SLC9C1: variants seen among roughly 807,000 people sequenced by gnomAD.
SLC9C1 encodes sodium/hydrogen exchanger 10.
A neutral mutation model predicts 140.9 loss-of-function variants in SLC9C1; 97 were observed. The observed-to-expected ratio is 0.69, with a 90% confidence interval of 0.58 to 0.82. SLC9C1 has a LOEUF of 0.82. Ranked by LOEUF, SLC9C1 falls within the 40% of genes least tolerant of loss-of-function variation. SLC9C1 has a pLI of 0.00. For synonymous variants in SLC9C1, 440 were observed against 442.6 expected (o/e 0.99, Z 0.07); for missense variants, 1,340 against 1,389.3 (o/e 0.96, Z 0.56).
chr3:112,167,434 T>C, intron 25 of SLC9C1, 87 bp from the exon 26 acceptor site: 1 of 1,345,004 alleles, frequency 7.4e-7, no homozygotes. Context: ...TCTGGCTTTC[T>C]CTAGGTATCT....
At chr3:112,160,416 C>T (rs1436512433) in intron 26 of SLC9C1, among the ~76,000 whole-genome samples, 2 of 125,118 alleles carry the variant, frequency 1.6e-5, no homozygotes, top group African/African-American at 2.9e-5. Context: ...GCTATCCCTT[C>T]CCCCTCCCCC....
chr3:112,286,200 G>T (rs1186509281), intron 2 of SLC9C1, among the ~76,000 whole-genome samples: 1 of 152,036 alleles, frequency 6.6e-6, no homozygotes, highest in East Asian at 1.9e-4. Context: ...GTGTATTATT[G>T]TTTTAAAAGT....
intron 24 of SLC9C1, 63 bp from the exon 25 acceptor site, chr3:112,169,125 A>T: frequency 6.3e-7 from 1 of 1,576,238 alleles, no homozygotes; most frequent in Non-Finnish European, 8.6e-7. Flanking sequence ...ATATTCATAA[A>T]TAGTCAATTA....
chr3:112,217,660 A>G, intron 14 of SLC9C1, 99 bp from the exon 15 acceptor site: 1 of 1,085,226 alleles, frequency 9.2e-7, no homozygotes, highest in Admixed American at 3.1e-5. Context: ...TTAATTTTGC[A>G]CAAAACAGGA....
chr3:112,270,067 G>A lies in SLC9C1; in HGVS notation c.624C>T (p.Ile208=), dbSNP rs777832839. Residue 208 remains isoleucine, a synonymous_variant, in exon 7 of 29, where the codon ATC becomes ATT. Coordinates refer to ENST00000305815, the MANE Select transcript of SLC9C1 (RefSeq NM_183061.3). ...TAATATATGAACAAATTCCACCCAC[G>A]ATCTCTTCAGCTACAAGAAAGGGGC... is the stretch of plus-strand genomic sequence containing the variant. The part of the protein sequence containing the change: ...SKRNHTLAEE[I]VGGICSYIIA... 22 of 1,555,084 alleles carry A rather than the reference G, an allele frequency of 1.4e-5. No homozygotes were observed. In the South Asian group the frequency reaches 2.8e-4, roughly 19 times the overall value.
intron 28 of SLC9C1, among the ~76,000 whole-genome samples, chr3:112,149,682 G>A (rs941784619): frequency 2.6e-5 from 4 of 152,130 alleles, no homozygotes; most frequent in Non-Finnish European, 5.9e-5. Context: ...CCTGGGTGTG[G>A]AACAGAGAGC....
intron 15 of SLC9C1, among the ~76,000 whole-genome samples, chr3:112,208,890 A>T (rs998921368): frequency 6.6e-6 from 1 of 152,190 alleles, no homozygotes; most frequent in African/African-American, 2.4e-5. Flanking sequence ...TTGTCAAGGT[A>T]TAAAATTGGG....
At chr3:112,252,359 T>G (rs1407744882) in intron 10 of SLC9C1, among the ~76,000 whole-genome samples, 1 of 151,328 alleles carries the variant, frequency 6.6e-6, no homozygotes, top group Non-Finnish European at 1.5e-5. Flanking sequence ...TGTTTTCTGG[T>G]CAGCAGCAGT....
At chr3:112,267,664 T>G (rs9878675) in intron 7 of SLC9C1, among the ~76,000 whole-genome samples, 88,297 of 149,358 alleles carry the variant, frequency 0.59, 26,650 homozygotes, top group East Asian at 0.79. Flanking sequence ...TGGATTGTAA[T>G]AAAGTTTAAT....
chr3:112,164,235 G>C (rs953213346), intron 26 of SLC9C1, among the ~76,000 whole-genome samples: 1 of 151,162 alleles, frequency 6.6e-6, no homozygotes, highest in Non-Finnish European at 1.5e-5. Flanking sequence ...CAATTTGCCA[G>C]TCTGTGTCTT....
In SLC9C1 at chr3:112,167,329, A is replaced by T; in HGVS notation, c.3256T>A (p.Phe1086Ile). 1 of 1,601,368 alleles carries T rather than the reference A, an allele frequency of 6.2e-7. No homozygotes were observed. ...GTTTGAATAATCACTACTTTTGTGA[A>T]ATCTTCAATACTTTGTATCTGAAAG... Reference protein sequence around the residue: ...TCHQIQSIEDFTKVVIIQTPI... With the variant: ...TCHQIQSIEDITKVVIIQTPI... The change falls in exon 26 of 29, where the codon TTC (phenylalanine) becomes ATC (isoleucine). Residue 1086 changes from phenylalanine to isoleucine, a missense_variant. Coordinates refer to ENST00000305815, the MANE Select transcript of SLC9C1 (RefSeq NM_183061.3).
chr3:112,198,513 T>C (rs1190030700), intron 20 of SLC9C1, among the ~76,000 whole-genome samples: 1 of 152,070 alleles, frequency 6.6e-6, no homozygotes, highest in African/African-American at 2.4e-5. Context: ...ATAAGAATGC[T>C]CTTAATGTTT....
At chr3:112,248,181 C>T (rs2079346864) in intron 10 of SLC9C1, among the ~76,000 whole-genome samples, 1 of 152,082 alleles carries the variant, frequency 6.6e-6, no homozygotes, top group Non-Finnish European at 1.5e-5. Context: ...GAAACTAAAG[C>T]CCTTAGTTCA....
intron 22 of SLC9C1, 66 bp downstream of exon 22, chr3:112,180,498 G>T: frequency 7.6e-7 from 1 of 1,316,716 alleles, no homozygotes. Context: ...ACTCCAGCTT[G>T]GGCAACAAGA....
At position 112,150,834 on chromosome 3, in the gene SLC9C1, ATATATAT is replaced by A. The variant is rs1560003612; in HGVS notation, c.3524+1016_3524+1022del. On this transcript the variant is annotated intron_variant, in intron 28 of 28. Coordinates refer to ENST00000305815, the MANE Select transcript of SLC9C1 (RefSeq NM_183061.3). Reference sequence around the variant, plus strand: ...TAAATACATATACATATATATATATATATATATTTTTTTTTTTTTTTGAGATGAAGTC... The same window carrying A: ...TAAATACATATACATATATATATATATTTTTTTTTTTTTTGAGATGAAGTC... 8.1e-4 allele frequency among the ~76,000 whole-genome samples: 38 copies of A among 47,072 alleles called. 1 individual carries two copies. Among genetic ancestry groups the A allele is most frequent in the Middle Eastern group, 9.6e-3 (1 of 104 alleles). 30.9% of individuals were successfully genotyped at this position (47,072 alleles called of 152,430 possible). A position where few individuals can be genotyped will look rare whatever the true frequency, so the allele number is the denominator to read the frequency against.
At chr3:112,252,057 G>A (rs2079475143) in intron 10 of SLC9C1, among the ~76,000 whole-genome samples, 1 of 152,138 alleles carries the variant, frequency 6.6e-6, no homozygotes, top group African/African-American at 2.4e-5. Context: ...TGTAGACTGG[G>A]CTCTCCAGTC....
intron 15 of SLC9C1, among the ~76,000 whole-genome samples, chr3:112,208,913 G>T (rs537196927): frequency 2.7e-4 from 41 of 152,206 alleles, no homozygotes; most frequent in African/African-American, 9.4e-4. Flanking sequence ...CAAAGCCTAG[G>T]ATGCATGGTG....
At chr3:112,188,032 G>A (rs1337540320) in intron 20 of SLC9C1, among the ~76,000 whole-genome samples, 1 of 151,750 alleles carries the variant, frequency 6.6e-6, no homozygotes, top group Non-Finnish European at 1.5e-5. Context: ...ATTTACATAT[G>A]TTTATTTACA....
At chr3:112,266,022 A>G (rs1477761580) in intron 8 of SLC9C1, among the ~76,000 whole-genome samples, 1 of 152,116 alleles carries the variant, frequency 6.6e-6, no homozygotes, top group Non-Finnish European at 1.5e-5. Context: ...GGGAAAGAGA[A>G]CCAACATGAA....
Sources: gnomAD v4.1 joint callset for allele counts (sites outside exome capture counted in the v4.1 genomes callset) on GRCh38, gnomAD v4.1.1 for gene constraint, MANE v1.5 for transcripts, NCBI Gene and HGNC (gene_info 2026-07-23, HGNC 2026-07-21) for gene names.